The following ST8SIA6 variants were observed in gnomAD, a reference collection of about 807,000 sequenced individuals.
The protein encoded by ST8SIA6 is ST8 alpha-N-acetyl-neuraminide alpha-2,8-sialyltransferase 6, also known as alpha-2,8-sialyltransferase 8F.
Under a neutral mutation model 33.6 loss-of-function variants are expected in ST8SIA6, and 39 were observed. That is an observed-to-expected ratio of 1.16 (90% CI 0.90 to 1.52). ST8SIA6 has a LOEUF of 1.52. Among genes scored for constraint, ST8SIA6 ranks in the 40% most tolerant of loss-of-function variants. The pLI, the probability that ST8SIA6 is intolerant of heterozygous loss-of-function variation, is 0.00. For missense variants in ST8SIA6, 441 were observed against 443.8 expected (o/e 0.99, Z 0.06); for synonymous variants, 172 against 167.2 (o/e 1.03, Z -0.22).
chr10:17,423,121 T>C (rs1284017885), intron 2 of ST8SIA6, among the ~76,000 whole-genome samples: 2 of 152,184 alleles, frequency 1.3e-5, no homozygotes, highest in Non-Finnish European at 2.9e-5. Context: ...ATGGACCTGA[T>C]AAATTATGCA....
chr10:17,361,669 AGAACAGG>A (rs1849394422), intron 3 of ST8SIA6, among the ~76,000 whole-genome samples: 1 of 151,368 alleles, frequency 6.6e-6, no homozygotes, highest in Non-Finnish European at 1.5e-5. Context: ...TCACTATATG[AGAACAGG>A]GTTACCCTGA....
chr10:17,372,416 G>T (rs1849765249), intron 3 of ST8SIA6, among the ~76,000 whole-genome samples: 1 of 152,184 alleles, frequency 6.6e-6, no homozygotes, highest in Non-Finnish European at 1.5e-5. Context: ...GTGCCTCGGA[G>T]TAGTGGAAAT....
rs542421927 is a variant in ST8SIA6, at chr10:17,425,321, C to T, written c.200+28238G>A. On this transcript the variant is annotated intron_variant, in intron 2 of 7. Transcript: ENST00000377602. ...GGGTGGCTCACACCTGTAATTCCAGCGCTCTGGGAGGCCGAGGAGGCTGAA... is the reference window on the plus strand; with the variant it reads ...GGGTGGCTCACACCTGTAATTCCAGTGCTCTGGGAGGCCGAGGAGGCTGAA... 3.5e-4 allele frequency among the ~76,000 whole-genome samples: 54 copies of T among 152,152 alleles called. No individual in the cohort carries two copies. The South Asian group carries it at 9.8e-3, about 27-fold the overall frequency.
intron 2 of ST8SIA6, among the ~76,000 whole-genome samples, chr10:17,436,646 G>A (rs1412353202): frequency 6.6e-6 from 1 of 151,112 alleles, no homozygotes; most frequent in Non-Finnish European, 1.5e-5. Flanking sequence ...CCTTGTGATA[G>A]TTTGCTGAGA....
chr10:17,327,254 A>T (rs2131580323), intron 5 of ST8SIA6, 128 bp from the exon 6 acceptor site: 1 of 658,160 alleles, frequency 1.5e-6, no homozygotes, highest in East Asian at 3.4e-5. Flanking sequence ...AAAAAGCAGC[A>T]GCCCAGTTTG....
Position 17,326,982 on chromosome 10 carries a change from T to A in ST8SIA6, c.635+32A>T, listed in dbSNP as rs371214953. The A allele has an allele frequency of 2.7e-6, 4 of 1,480,484 alleles. No individual in the cohort carries two copies. The African/African-American group carries it at 5.7e-5, about 21-fold the overall frequency. 91.7% of individuals were successfully genotyped at this position (1,480,484 alleles called of 1,614,324 possible). A position where few individuals can be genotyped will look rare whatever the true frequency, so the allele number is the denominator to read the frequency against. On this transcript the variant is annotated intron_variant, in intron 6 of 7. Transcript: ENST00000377602. ...CCTCTGAAATACCCAACTGATCTATTGTTTCAAAGAAACCAATTTGTCAGG... is the reference window on the plus strand; with the variant it reads ...CCTCTGAAATACCCAACTGATCTATAGTTTCAAAGAAACCAATTTGTCAGG...
At chr10:17,399,793 C>T (rs1368712791) in intron 2 of ST8SIA6, among the ~76,000 whole-genome samples, 2 of 151,678 alleles carry the variant, frequency 1.3e-5, no homozygotes, top group Non-Finnish European at 2.9e-5. Context: ...TGGTGTGTGC[C>T]TGTGGTCCCA....
intron 6 of ST8SIA6, among the ~76,000 whole-genome samples, chr10:17,324,937 AT>A (rs966100181): frequency 6.2e-5 from 9 of 145,912 alleles, no homozygotes; most frequent in African/African-American, 2.0e-4. Flanking sequence ...ATGCATACAT[AT>A]TATACATATA....
At chr10:17,374,789 A>T (rs1849856386) in intron 3 of ST8SIA6, among the ~76,000 whole-genome samples, 1 of 149,538 alleles carries the variant, frequency 6.7e-6, no homozygotes, top group African/African-American at 2.5e-5. Context: ...TGCCCTCCCA[A>T]CTTGAAATTT....
At chr10:17,391,255 T>TTTTA (rs529722416) in intron 2 of ST8SIA6, among the ~76,000 whole-genome samples, 4,866 of 151,832 alleles carry the variant, frequency 0.032, 80 homozygotes, top group South Asian at 0.055. Context: ...TTTATTTTAT[T>TTTTA]TTTATTTATT....
intron 3 of ST8SIA6, among the ~76,000 whole-genome samples, chr10:17,368,320 T>C (rs141777771): frequency 0.013 from 1,843 of 139,862 alleles, 46 homozygotes; most frequent in African/African-American, 0.046. Flanking sequence ...GGCAGGAGAA[T>C]TGCTTGAACC....
intron 2 of ST8SIA6, among the ~76,000 whole-genome samples, chr10:17,416,685 C>G (rs1851619742): frequency 6.6e-6 from 1 of 152,156 alleles, no homozygotes; most frequent in Admixed American, 6.5e-5. Flanking sequence ...TTGCCTCATT[C>G]AAGGCACATC....
chr10:17,407,466 A>C (rs1186499493), intron 2 of ST8SIA6, among the ~76,000 whole-genome samples: 1 of 152,140 alleles, frequency 6.6e-6, no homozygotes, highest in Non-Finnish European at 1.5e-5. Context: ...ACTTGCTCAG[A>C]TCACCAGTTA....
At chr10:17,374,725 A>C (rs1849843872) in intron 3 of ST8SIA6, among the ~76,000 whole-genome samples, 1 of 90,896 alleles carries the variant, frequency 1.1e-5, no homozygotes, top group South Asian at 4.2e-4. Flanking sequence ...AAAATAAATA[A>C]ATAAATAAAT....
chr10:17,452,016 T>G (rs922980039), intron 2 of ST8SIA6, among the ~76,000 whole-genome samples: 1 of 152,224 alleles, frequency 6.6e-6, no homozygotes, highest in Admixed American at 6.5e-5. Context: ...GATCAAACCA[T>G]TTAATGAGTA....
Position 17,318,181 on chromosome 10 carries a change from A to C in ST8SIA6, c.*2697T>G, listed in dbSNP as rs1847834352. 1.3e-5 allele frequency among the ~76,000 whole-genome samples: 2 copies of C among 152,090 alleles called. No homozygotes were observed. The highest frequency in any genetic ancestry group is 4.8e-5 in the African/African-American group (2 of 41,414). On this transcript the variant is annotated 3_prime_UTR_variant, in exon 8 of 8. Coordinates refer to ENST00000377602, the MANE Select transcript of ST8SIA6 (RefSeq NM_001004470.3). ...TTTCTCTTAGAAACTGGTAGTATGC[A>C]GCGTTATGAGCTAGAATCCTAACTA...
At chr10:17,384,614 C>A (rs1340086688) in intron 3 of ST8SIA6, among the ~76,000 whole-genome samples, 5 of 152,056 alleles carry the variant, frequency 3.3e-5, no homozygotes, top group Non-Finnish European at 7.4e-5. Context: ...TTTTTCTTGG[C>A]TGCAAGTCTT....
chr10:17,360,640 C>T (rs1446178025), intron 3 of ST8SIA6, among the ~76,000 whole-genome samples: 1 of 151,860 alleles, frequency 6.6e-6, no homozygotes, highest in African/African-American at 2.4e-5. Context: ...TGACAACTGA[C>T]ACCAATAAGA....
At chr10:17,369,891 A>G (rs76197926) in intron 3 of ST8SIA6, among the ~76,000 whole-genome samples, 3 of 151,882 alleles carry the variant, frequency 2.0e-5, no homozygotes, top group Admixed American at 2.0e-4. Flanking sequence ...AACTTTTTCC[A>G]TCCTTTTACT....
Sources: gnomAD v4.1 joint callset for allele counts (sites outside exome capture counted in the v4.1 genomes callset) on GRCh38, gnomAD v4.1.1 for gene constraint, MANE v1.5 for transcripts, NCBI Gene and HGNC (gene_info 2026-07-23, HGNC 2026-07-21) for gene names.